EWSR1: variants seen among roughly 807,000 people sequenced by gnomAD.
The protein encoded by EWSR1 is EWS RNA binding protein 1.
A neutral mutation model predicts 92.1 loss-of-function variants in EWSR1; 14 were observed. The observed-to-expected ratio is 0.15, with a 90% CI of 0.10 to 0.24. The LOEUF (loss-of-function observed/expected upper bound fraction) is 0.24, where lower values mean the gene tolerates loss of function less well. Among genes scored for constraint, EWSR1 ranks in the 10% least tolerant of loss-of-function variants. EWSR1 has a pLI of 1.00. For synonymous variants in EWSR1, 303 were observed against 292.9 expected (o/e 1.03, Z -0.35); for missense variants, 637 against 870.9 (o/e 0.73, Z 3.38).
chr22:29,268,806 G>C (rs1351926011), intron 1 of EWSR1, among the ~76,000 whole-genome samples: 1 of 152,246 alleles, frequency 6.6e-6, no homozygotes, highest in African/African-American at 2.4e-5. Context: ...GAAACCAGGG[G>C]AAAAAGCAAA....
At chr22:29,278,339 G>T (rs2059280350) in intron 5 of EWSR1, 123 bp downstream of exon 5, 1 of 893,296 alleles carries the variant, frequency 1.1e-6, no homozygotes, top group African/African-American at 1.7e-5. Flanking sequence ...ACTCTCAGAT[G>T]TTCACTGTTA....
chr22:29,297,644 C>T (rs181059323), intron 12 of EWSR1, among the ~76,000 whole-genome samples, 183 bp from the exon 13 acceptor site: 31 of 152,314 alleles, frequency 2.0e-4, no homozygotes, highest in African/African-American at 5.1e-4. Context: ...CACTGCACTC[C>T]AGCCCGGGCA....
chr22:29,269,303 CAGAGG>C (rs2058446449), intron 1 of EWSR1: 1 of 152,178 alleles, frequency 6.6e-6, no homozygotes, highest in African/African-American at 2.4e-5. Flanking sequence ...CGTAGGTCGA[CAGAGG>C]AGAGGGGAAA....
At chr22:29,291,283 A>G (rs1261539529) in intron 8 of EWSR1, 2 of 384,662 alleles carry the variant, frequency 5.2e-6, no homozygotes, top group Middle Eastern at 6.6e-4. Context: ...TTTGGGATCT[A>G]TTTTTTCTTG....
At chr22:29,272,311 C>G in intron 2 of EWSR1, 59 bp downstream of exon 2, 3 of 1,609,262 alleles carry the variant, frequency 1.9e-6, no homozygotes, top group East Asian at 2.2e-5. Context: ...GAATATGGAG[C>G]CTTCTATAAT....
chr22:29,280,862 G>GTTTT (rs71196650), intron 5 of EWSR1, among the ~76,000 whole-genome samples: 1 of 62,902 alleles, frequency 1.6e-5, no homozygotes, highest in Non-Finnish European at 3.1e-5. Context: ...TGTGTGTGTT[G>GTTTT]TTTTTTTTTT....
Position 29,297,817 on chromosome 22 carries a change from C to T in EWSR1, c.1295-10C>T, listed in dbSNP as rs2060985714. On this transcript the variant is annotated splice_polypyrimidine_tract_variant and intron_variant, in intron 12 of 16. Transcript: ENST00000397938. ...AGGGGAGTAATTGATGTTCTGTTGTCTTGTTCCAGGGAAAGATTTTCAAGG... is the reference window on the plus strand; with the variant it reads ...AGGGGAGTAATTGATGTTCTGTTGTTTTGTTCCAGGGAAAGATTTTCAAGG... 1 of 1,613,450 alleles carries T rather than the reference C, an allele frequency of 6.2e-7. No individual in the cohort carries two copies.
chr22:29,283,456 C>T (rs2059774105), intron 6 of EWSR1, among the ~76,000 whole-genome samples: 1 of 146,632 alleles, frequency 6.8e-6, no homozygotes, highest in Non-Finnish European at 1.5e-5. Flanking sequence ...CCTAGGGATT[C>T]TCATGCCTCA....
At chr22:29,292,195 CATATCGTGCTTT>C (rs1307680723) in intron 10 of EWSR1, 26 bp downstream of exon 10, 1 of 1,610,872 alleles carries the variant, frequency 6.2e-7, no homozygotes, top group Admixed American at 1.7e-5. Flanking sequence ...AGTTGTGCTT[CATATCGTGCTTT>C]GTAAATTAAT....
chr22:29,280,969 T>C lies in EWSR1; in HGVS notation c.414-1421T>C, dbSNP rs183320907. On this transcript the variant is annotated intron_variant, in intron 5 of 16. Transcript: ENST00000397938. ...ATCTCAGCTCACTGCAAGCTCCGCC[T>C]CCCAGGTTCATGCCATTCTCCTACC... is the stretch of plus-strand genomic sequence containing the variant. 3.3e-3 allele frequency among the ~76,000 whole-genome samples: 459 copies of C among 140,180 alleles called. 1 individual carries two copies. Among genetic ancestry groups the C allele is most frequent in the Non-Finnish European group, 5.5e-3 (362 of 65,684 alleles). 92.0% of individuals were successfully genotyped at this position (140,180 alleles called of 152,430 possible). A position where few individuals can be genotyped will look rare whatever the true frequency, so the allele number is the denominator to read the frequency against.
Position 29,300,179 on chromosome 22 carries a change from A to G in EWSR1, c.*18A>G. ...CCTACTAGATGCAGAGACCCCGCAG[A>G]GCTGCATTGACTACCAGATTTATTT... On this transcript the variant is annotated 3_prime_UTR_variant, in exon 17 of 17. Coordinates refer to ENST00000397938, the MANE Select transcript of EWSR1 (RefSeq NM_005243.4). The G allele has an allele frequency of 6.2e-7, 1 of 1,604,856 alleles. No individual in the cohort carries two copies. The highest frequency in any genetic ancestry group is 8.5e-7 in the Non-Finnish European group (1 of 1,176,418).
At chr22:29,268,825 C>G (rs896093588) in intron 1 of EWSR1, among the ~76,000 whole-genome samples, 1 of 152,234 alleles carries the variant, frequency 6.6e-6, no homozygotes, top group African/African-American at 2.4e-5. Flanking sequence ...AATAAAGATA[C>G]CGTGGATTTG....
intron 6 of EWSR1, 128 bp downstream of exon 6, chr22:29,282,685 C>T: frequency 1.5e-6 from 1 of 688,872 alleles, no homozygotes; most frequent in Non-Finnish European, 2.2e-6. Context: ...AGTCATCTGA[C>T]CATACTTGGT....
At position 29,287,215 on chromosome 22, in the gene EWSR1, G is replaced by A. The variant is rs189471971; in HGVS notation, c.793+81G>A. Reference sequence around the variant, plus strand: ...TGGGGTTGATTTTTTTTGTTGGTTTGTTTTTCTTTTGAGATGGAGTTTCAC... The same window carrying A: ...TGGGGTTGATTTTTTTTGTTGGTTTATTTTTCTTTTGAGATGGAGTTTCAC... On this transcript the variant is annotated intron_variant, in intron 7 of 16. Coordinates refer to ENST00000397938, the MANE Select transcript of EWSR1 (RefSeq NM_005243.4). 5.0e-6 allele frequency: 7 copies of A among 1,409,436 alleles called. No individual in the cohort carries two copies. In the East Asian group the frequency reaches 1.5e-4, roughly 30 times the overall value. 87.3% of individuals were successfully genotyped at this position (1,409,436 alleles called of 1,614,324 possible).
intron 14 of EWSR1, 37 bp downstream of exon 14, chr22:29,298,932 T>G: frequency 6.6e-7 from 1 of 1,512,446 alleles, no homozygotes; most frequent in Non-Finnish European, 8.8e-7. Flanking sequence ...ACCCTACGAG[T>G]GAAGCCACCC....
intron 1 of EWSR1, among the ~76,000 whole-genome samples, chr22:29,268,879 T>C (rs996125586): frequency 3.3e-5 from 5 of 152,244 alleles, no homozygotes; most frequent in African/African-American, 9.6e-5. Flanking sequence ...CCCGTCATCC[T>C]TAAGACCCAG....
At chr22:29,268,741 G>T (rs978475744) in intron 1 of EWSR1, among the ~76,000 whole-genome samples, 1 of 152,248 alleles carries the variant, frequency 6.6e-6, no homozygotes, top group Non-Finnish European at 1.5e-5. Context: ...CCGCCGGGGG[G>T]CCCGCAGGCT....
Position 29,299,700 on chromosome 22 carries a change from G to A in EWSR1, c.1780G>A (p.Gly594Arg). Residue 594 changes from glycine (G) to arginine (R), a missense_variant, in exon 16 of 17, where the codon GGA becomes AGA. Transcript: ENST00000397938. ...PGGMFRGGRG[G>R]DRGGFRGGRG... is the part of the protein sequence containing the mutation. ...TGGAATGTTCAGAGGTGGCCGTGGT[G>A]GAGACAGAGGTGGCTTCCGTGGTGG... is the stretch of plus-strand genomic sequence containing the variant. The A allele has an allele frequency of 6.2e-7, 1 of 1,612,850 alleles. No individual in the cohort carries two copies. Among genetic ancestry groups the A allele is most frequent in the South Asian group, 1.1e-5 (1 of 90,934 alleles).
rs2061267591 is a variant in EWSR1, at chr22:29,300,512, TTTA to T, written c.*353_*355del. 4.5e-6 allele frequency: 1 copy of T among 222,138 alleles called. No homozygotes were observed. Among genetic ancestry groups the T allele is most frequent in the Non-Finnish European group, 8.9e-6 (1 of 112,470 alleles). 13.8% of individuals were successfully genotyped at this position (222,138 alleles called of 1,614,324 possible). ...TTTTTTTTAAATAAAATTCCAAATG[TTTA>T]TAAAGAGTCATCCTTCTCGGCCTCT... On this transcript the variant is annotated 3_prime_UTR_variant, in exon 17 of 17. Transcript: ENST00000397938.
Sources: allele counts gnomAD v4.1 joint callset (sites outside exome capture counted in the v4.1 genomes callset), GRCh38; gene constraint gnomAD v4.1.1; transcripts MANE v1.5; gene names NCBI Gene and HGNC (gene_info 2026-07-23, HGNC 2026-07-21).